The following PRKAB2 variants were observed in gnomAD, a reference collection of about 807,000 sequenced individuals.
PRKAB2 encodes protein kinase AMP-activated non-catalytic subunit beta 2.
Under a neutral mutation model 29.8 loss-of-function variants are expected in PRKAB2, and 18 were observed. The ratio of observed to expected loss-of-function variants is 0.60; its 90% CI spans 0.42 to 0.89. The LOEUF (loss-of-function observed/expected upper bound fraction) is 0.89. Ranked by LOEUF, PRKAB2 falls within the 40% of genes least tolerant of loss-of-function variation. The pLI is 0.00. For missense variants in PRKAB2, 270 were observed against 344.3 expected, an observed-to-expected ratio of 0.78 and a Z score of 1.71; for synonymous variants, 136 against 125.9, an observed-to-expected ratio of 1.08 and a Z score of -0.54.
At chr1:147,170,869 T>C (rs587762086) in intron 2 of PRKAB2, among the ~76,000 whole-genome samples, 1 of 152,174 alleles carries the variant, frequency 6.6e-6, no homozygotes, top group Non-Finnish European at 1.5e-5. Flanking sequence ...GGCGTGAGCC[T>C]CTGCGCCAGG....
intron 5 of PRKAB2, among the ~76,000 whole-genome samples, chr1:147,164,688 C>T (rs782565895): frequency 1.3e-5 from 2 of 152,116 alleles, no homozygotes; most frequent in Non-Finnish European, 2.9e-5. Context: ...CCTAAAGTTA[C>T]ATACATGGAT....
intron 2 of PRKAB2, among the ~76,000 whole-genome samples, chr1:147,168,641 G>C (rs1229579232): frequency 6.6e-6 from 1 of 152,184 alleles, no homozygotes; most frequent in Non-Finnish European, 1.5e-5. Context: ...ATCAAAAGTA[G>C]CTCTCTTATC....
intron 6 of PRKAB2, 26 bp downstream of exon 6, chr1:147,162,414 G>T: frequency 5.6e-6 from 9 of 1,597,944 alleles, no homozygotes; most frequent in South Asian, 1.1e-5. Context: ...ACCCCCAGAT[G>T]CCCCAGTAAT....
At position 147,162,567 on chromosome 1, in the gene PRKAB2, G is replaced by A; in HGVS notation, c.545C>T (p.Ser182Phe). The change falls in exon 6 of 8, where the codon TCC becomes TTC. Residue 182 changes from serine (S) to phenylalanine (F), a missense_variant. Physicochemically the swap from Ser to Phe is radical, Grantham distance 155. Around this residue, in one of 2 missense-constraint regions of PRKAB2, gnomAD observed 228 missense variants for 255.5 expected, o/e 0.89. Coordinates refer to ENST00000254101, the MANE Select transcript of PRKAB2 (RefSeq NM_005399.5). ...ACCATAAGGCCCTGGGGGTGAGCTG[G>A]AAAGGTCTGAAAGATATTTATACAA... ...ESSETSCRDL[S>F]SSPPGPYGQE... is the part of the protein sequence containing the mutation. The A allele has an allele frequency of 6.2e-7, 1 of 1,601,614 alleles. No homozygotes were observed. The highest frequency in any genetic ancestry group is 8.5e-7 in the Non-Finnish European group (1 of 1,175,434).
chr1:147,162,430 G>C lies in PRKAB2; in HGVS notation c.672+10C>G. The C allele has an allele frequency of 6.2e-7, 1 of 1,609,388 alleles. No individual in the cohort carries two copies. Among genetic ancestry groups the C allele is most frequent in the Non-Finnish European group, 8.5e-7 (1 of 1,176,794 alleles). ...CCCCCAGATGCCCCAGTAATACTCA[G>C]GATACTCACAGAAATATTAGTGTCT... On this transcript the variant is annotated intron_variant, in intron 6 of 7. Coordinates refer to ENST00000254101, the MANE Select transcript of PRKAB2 (RefSeq NM_005399.5).
rs1204321005 is a variant in PRKAB2 at position 147,156,008 on chromosome 1, AAG to A, written c.*3555_*3556del. On this transcript the variant is annotated 3_prime_UTR_variant, in exon 8 of 8. Coordinates refer to ENST00000254101, the MANE Select transcript of PRKAB2 (RefSeq NM_005399.5). ...AAGGAGAGACAAATGCTTAGATCCA[AAG>A]AGTTTTGAAAGACCCTAATGGCTAC... The A allele has an allele frequency of 1.3e-5, 2 of 152,170 alleles. No homozygotes were observed. Among genetic ancestry groups the A allele is most frequent in the Non-Finnish European group, 2.9e-5 (2 of 68,008 alleles). The allele number at this position is 152,170 out of a possible 1,614,324, so 9.4% of individuals were successfully genotyped here.
intron 5 of PRKAB2, among the ~76,000 whole-genome samples, chr1:147,164,865 T>C (rs1654159432): frequency 6.6e-6 from 1 of 152,244 alleles, no homozygotes; most frequent in African/African-American, 2.4e-5. Flanking sequence ...TATTGGTTAC[T>C]TTGCCAGAAT....
In PRKAB2 at chr1:147,166,906, A is replaced by G; in HGVS notation, c.357T>C (p.Pro119=). ...AGAACTTGTATTGGTGCTCTCCCTCAGGGAGGTCCAGGATGGCAACAAAGT... is the reference window on the plus strand; with the variant it reads ...AGAACTTGTATTGGTGCTCTCCCTCGGGGAGGTCCAGGATGGCAACAAAGT... ...HNDFVAILDL[P]EGEHQYKFFV... is the part of the protein sequence containing the mutation. The change falls in exon 4 of 8, where the codon CCT becomes CCC. Residue 119 remains proline (P), a synonymous_variant. Transcript: ENST00000254101. 1 of 1,614,134 alleles carries G rather than the reference A, an allele frequency of 6.2e-7. No homozygotes were observed. Among genetic ancestry groups the G allele is most frequent in the Non-Finnish European group, 8.5e-7 (1 of 1,179,966 alleles).
In PRKAB2 at chr1:147,155,478, G is replaced by C. The variant is rs751574451; in HGVS notation, c.*4087C>G. ...AAGTCTCATTTATGAGACCCGTGTAGTGATTAGGACTAACCAACAACAGTG... is the reference window on the plus strand; with the variant it reads ...AAGTCTCATTTATGAGACCCGTGTACTGATTAGGACTAACCAACAACAGTG... On this transcript the variant is annotated 3_prime_UTR_variant, in exon 8 of 8. Coordinates refer to ENST00000254101, the MANE Select transcript of PRKAB2 (RefSeq NM_005399.5). 6.6e-6 allele frequency: 1 copy of C among 152,568 alleles called. No homozygotes were observed. Among genetic ancestry groups the C allele is most frequent in the Middle Eastern group, 3.2e-3 (1 of 316 alleles). 9.5% of individuals were successfully genotyped at this position (152,568 alleles called of 1,614,324 possible).
rs782619139 is a variant in PRKAB2, at chr1:147,172,062, G to C, written c.83C>G (p.Ala28Gly). The C allele has an allele frequency of 6.3e-7, 1 of 1,579,736 alleles. No homozygotes were observed. The highest frequency in any genetic ancestry group is 1.8e-5 in the Admixed American group (1 of 56,206). The change falls in exon 2 of 8, where the codon GCC becomes GGC. Residue 28 changes from alanine (A) to glycine (G), a missense_variant. Ala to Gly is a moderately conservative substitution (Grantham distance 60). Transcript: ENST00000254101. Reference sequence around the variant, plus strand: ...CATGATCTTGTGCTCCTTCCCCGGGGCATGGCCGCCTGCGCCCTCGGAGCG... The same window carrying C: ...CATGATCTTGTGCTCCTTCCCCGGGCCATGGCCGCCTGCGCCCTCGGAGCG... ...AARSEGAGGH[A>G]PGKEHKIMVG...
intron 7 of PRKAB2, among the ~76,000 whole-genome samples, chr1:147,161,403 T>G (rs1559608229): frequency 6.6e-6 from 1 of 152,132 alleles, no homozygotes; most frequent in African/African-American, 2.4e-5. Context: ...CTGCTTTTTC[T>G]GCAGAAGAAA....
rs2101612231 is a variant in PRKAB2, at chr1:147,158,457, C to G, written c.*1108G>C. The stretch of plus-strand genomic sequence containing the variant: ...TGTGTACAGGGTTGGCCATATTAAT[C>G]TAAGAATGTGGAAGGCTAGACTAGA... On this transcript the variant is annotated 3_prime_UTR_variant, in exon 8 of 8. Coordinates refer to ENST00000254101, the MANE Select transcript of PRKAB2 (RefSeq NM_005399.5). 1 of 152,156 alleles carries G rather than the reference C, an allele frequency of 6.6e-6. No individual in the cohort carries two copies. Among genetic ancestry groups the G allele is most frequent in the Middle Eastern group, 3.4e-3 (1 of 294 alleles). The allele number at this position is 152,156 out of a possible 1,614,324, so 9.4% of individuals were successfully genotyped here.
chr1:147,162,570 A>T lies in PRKAB2; in HGVS notation c.542T>A (p.Leu181His). Residue 181 changes from leucine (L) to histidine (H), a missense_variant, in exon 6 of 8, where the codon CTT becomes CAT. By Grantham distance (99) the Leu-to-His change is moderately conservative. Coordinates refer to ENST00000254101, the MANE Select transcript of PRKAB2 (RefSeq NM_005399.5). ...ATAAGGCCCTGGGGGTGAGCTGGAA[A>T]GGTCTGAAAGATATTTATACAAATA... ...MESSETSCRD[L>H]SSSPPGPYGQ... 1 of 1,603,388 alleles carries T rather than the reference A, an allele frequency of 6.2e-7. No homozygotes were observed. Among genetic ancestry groups the T allele is most frequent in the Admixed American group, 1.7e-5 (1 of 57,510 alleles).
rs1373409270 is a variant in PRKAB2 at position 147,155,531 on chromosome 1, T to C, written c.*4034A>G. On this transcript the variant is annotated 3_prime_UTR_variant, in exon 8 of 8. Transcript: ENST00000254101. Reference sequence around the variant, plus strand: ...CTTTGGCTGTCCTAAAACCACAAGCTGGGTTAGGTAAGTGTTTTGTACAGG... The same window carrying C: ...CTTTGGCTGTCCTAAAACCACAAGCCGGGTTAGGTAAGTGTTTTGTACAGG... 6.6e-6 allele frequency: 1 copy of C among 152,516 alleles called. No homozygotes were observed. Among genetic ancestry groups the C allele is most frequent in the African/African-American group, 2.4e-5 (1 of 41,416 alleles). 9.4% of individuals were successfully genotyped at this position (152,516 alleles called of 1,614,324 possible).
At chr1:147,159,696 C>G (rs1259804485) in intron 7 of PRKAB2, 54 bp from the exon 8 acceptor site, 52 of 1,489,498 alleles carry the variant, frequency 3.5e-5, no homozygotes, top group Non-Finnish European at 4.2e-5. Context: ...CAGTAGGTAG[C>G]TCTTCCCAGT....
chr1:147,166,776 G>A, intron 4 of PRKAB2, 70 bp downstream of exon 4: 1 of 1,560,794 alleles, frequency 6.4e-7, no homozygotes, highest in Non-Finnish European at 8.8e-7. Flanking sequence ...CTGCCCATCA[G>A]TCTTGACAGA....
At position 147,171,055 on chromosome 1, in the gene PRKAB2, T is replaced by A. The variant is rs140417456; in HGVS notation, c.156+934A>T. The stretch of plus-strand genomic sequence containing the variant: ...CGAATCTCCTCAAGCCCTCCATTTT[T>A]CTATCTCATCCAGTCAGTCTACCTG... On this transcript the variant is annotated intron_variant, in intron 2 of 7. Transcript: ENST00000254101. 3.8e-4 allele frequency among the ~76,000 whole-genome samples: 58 copies of A among 152,364 alleles called. 1 individual carries two copies. Among genetic ancestry groups the A allele is most frequent in the African/African-American group, 1.3e-3 (54 of 41,580 alleles).
In PRKAB2 at chr1:147,159,661, T is replaced by G; in HGVS notation, c.742-19A>C. 6.2e-7 allele frequency: 1 copy of G among 1,608,624 alleles called. No homozygotes were observed. The highest frequency in any genetic ancestry group is 8.5e-7 in the Non-Finnish European group (1 of 1,175,674). Reference sequence around the variant, plus strand: ...CACTGTCCTGCAAGGAAAAGAAACATACGCAGCTAATTCATTACTTCAGAC... The same window carrying G: ...CACTGTCCTGCAAGGAAAAGAAACAGACGCAGCTAATTCATTACTTCAGAC... On this transcript the variant is annotated intron_variant, in intron 7 of 7. Transcript: ENST00000254101.
At chr1:147,165,805 G>T (rs1257026273) in intron 5 of PRKAB2, among the ~76,000 whole-genome samples, 1 of 151,880 alleles carries the variant, frequency 6.6e-6, no homozygotes, top group Non-Finnish European at 1.5e-5. Context: ...GGGGGTGGTT[G>T]TCTTGTTTTT....
Sources: allele counts gnomAD v4.1 joint callset (sites outside exome capture counted in the v4.1 genomes callset), GRCh38; gene constraint gnomAD v4.1.1; regional missense constraint gnomAD v4.1.1; transcripts MANE v1.5; gene names NCBI Gene and HGNC (gene_info 2026-07-23, HGNC 2026-07-21).